Variants in AUTS2 observed in about 807,000 individuals in gnomAD.
AUTS2 encodes the protein activator of transcription and developmental regulator AUTS2, also known as autism susceptibility gene 2 protein.
A neutral mutation model predicts 112.4 loss-of-function variants in AUTS2; 17 were observed. That is an observed-to-expected ratio of 0.15 (90% CI 0.10 to 0.23). The LOEUF (loss-of-function observed/expected upper bound fraction) is 0.23, where lower values mean the gene tolerates loss of function less well. AUTS2 is among the 10% of genes least tolerant of loss of function. AUTS2 has a pLI of 1.00. For missense variants in AUTS2, 1,510 were observed against 1,701.6 expected, an observed-to-expected ratio of 0.89 and a Z score of 1.98; for synonymous variants, 751 against 702.7, an observed-to-expected ratio of 1.07 and a Z score of -1.09.
intron 5 of AUTS2, among the ~76,000 whole-genome samples, chr7:70,514,726 A>G (rs1238841710): frequency 3.9e-5 from 6 of 152,276 alleles, no homozygotes; most frequent in East Asian, 1.9e-4. Context: ...GCTTATTGCC[A>G]GTTGCTCTGC....
intron 4 of AUTS2, among the ~76,000 whole-genome samples, chr7:70,173,723 C>G (rs1808833132): frequency 6.6e-6 from 1 of 152,180 alleles, no homozygotes; most frequent in South Asian, 2.1e-4. Context: ...AATTCTTGCA[C>G]TATTTCAAAC....
chr7:70,741,884 C>A (rs1788135972), intron 6 of AUTS2, among the ~76,000 whole-genome samples: 1 of 152,108 alleles, frequency 6.6e-6, no homozygotes, highest in South Asian at 2.1e-4. Context: ...GTGCTACACT[C>A]GTAGCACACA....
intron 2 of AUTS2, among the ~76,000 whole-genome samples, chr7:69,971,284 A>T (rs1365933748): frequency 6.6e-6 from 1 of 152,206 alleles, no homozygotes; most frequent in Non-Finnish European, 1.5e-5. Context: ...TACTGGTAGT[A>T]TATGACCTTG....
At chr7:69,786,637 T>G (rs958663672) in intron 1 of AUTS2, among the ~76,000 whole-genome samples, 1 of 152,178 alleles carries the variant, frequency 6.6e-6, no homozygotes, top group Non-Finnish European at 1.5e-5. Flanking sequence ...GGCTTCATTC[T>G]TGAAGTCAGC....
chr7:69,963,932 T>G (rs1797529920), intron 2 of AUTS2, among the ~76,000 whole-genome samples: 1 of 152,118 alleles, frequency 6.6e-6, no homozygotes, highest in African/African-American at 2.4e-5. Flanking sequence ...TAAGATGCTT[T>G]AAAAAGAACA....
intron 4 of AUTS2, among the ~76,000 whole-genome samples, chr7:70,282,528 G>A (rs916611540): frequency 7.9e-5 from 12 of 152,016 alleles, no homozygotes; most frequent in African/African-American, 2.9e-4. Context: ...CGAGCTCCTA[G>A]GGCCTTTTTT....
intron 3 of AUTS2, among the ~76,000 whole-genome samples, chr7:70,127,940 C>T (rs1584763212): frequency 6.8e-6 from 1 of 147,706 alleles, no homozygotes; most frequent in Non-Finnish European, 1.5e-5. Flanking sequence ...TTCTCTCCCT[C>T]CCTCCCTCCC....
chr7:70,482,278 C>G (rs1797820679), intron 5 of AUTS2, among the ~76,000 whole-genome samples: 1 of 152,170 alleles, frequency 6.6e-6, no homozygotes. Flanking sequence ...TCCTACTCCC[C>G]ACCTCTGGGG....
At position 69,650,969 on chromosome 7, in the gene AUTS2, A is replaced by G. The variant is rs569432930; in HGVS notation, c.309+51007A>G. 9.9e-5 allele frequency among the ~76,000 whole-genome samples: 15 copies of G among 152,150 alleles called. 1 individual carries two copies. The South Asian group carries it at 2.9e-3, about 30-fold the overall frequency. On this transcript the variant is annotated intron_variant, in intron 1 of 18. Transcript: ENST00000342771. ...CCCGGATCTGCTCTTCCTCATCTTTATATTCCCTGCCCTTAGCTGAGGCTC... is the reference window on the plus strand; with the variant it reads ...CCCGGATCTGCTCTTCCTCATCTTTGTATTCCCTGCCCTTAGCTGAGGCTC...
At chr7:70,495,723 C>A (rs1798440562) in intron 5 of AUTS2, among the ~76,000 whole-genome samples, 1 of 132,992 alleles carries the variant, frequency 7.5e-6, no homozygotes. Flanking sequence ...CCCACACATG[C>A]ACACGTCACA....
intron 4 of AUTS2, among the ~76,000 whole-genome samples, chr7:70,390,465 C>T (rs541721396): frequency 6.6e-6 from 1 of 152,134 alleles, no homozygotes; most frequent in Non-Finnish European, 1.5e-5. Context: ...GGATCTGTGG[C>T]CAAGTCCCTG....
At chr7:69,755,370 C>T (rs1162767690) in intron 1 of AUTS2, among the ~76,000 whole-genome samples, 2 of 152,180 alleles carry the variant, frequency 1.3e-5, no homozygotes, top group Non-Finnish European at 2.9e-5. Context: ...AAACAACAAT[C>T]ATCTCCACCA....
Position 69,844,060 on chromosome 7 carries a change from A to G in AUTS2, c.310-55226A>G, listed in dbSNP as rs1048109357. On this transcript the variant is annotated intron_variant, in intron 1 of 18. Coordinates refer to ENST00000342771, the MANE Select transcript of AUTS2 (RefSeq NM_015570.4). ...CCAGCCAATCCTCGTTACTCTGCTT[A>G]TTCCCCTATTCATCATTTGGCTGAT... 3.9e-5 allele frequency among the ~76,000 whole-genome samples: 6 copies of G among 152,230 alleles called. No homozygotes were observed. In the East Asian group the frequency reaches 9.6e-4, roughly 24 times the overall value.
chr7:70,676,585 G>C (rs1370398928), intron 5 of AUTS2, among the ~76,000 whole-genome samples: 2 of 151,998 alleles, frequency 1.3e-5, no homozygotes, highest in African/African-American at 4.8e-5. Flanking sequence ...ACTTAAATGG[G>C]CACCTTTCTG....
chr7:70,547,680 A>AC (rs1399956486), intron 5 of AUTS2, among the ~76,000 whole-genome samples: 1 of 152,224 alleles, frequency 6.6e-6, no homozygotes, highest in Non-Finnish European at 1.5e-5. Flanking sequence ...GTATGGATAT[A>AC]CCACGTTTTG....
intron 1 of AUTS2, among the ~76,000 whole-genome samples, chr7:69,602,030 ATATATATATATGTGTGTGTGTGTGTG>A (rs1293710640): frequency 2.3e-5 from 2 of 85,900 alleles, no homozygotes; most frequent in African/African-American, 1.0e-4. Context: ...GTATATATAT[ATATATATATATGTGTGTGTGTGTGTG>A]TGTGTGTGTG....
intron 1 of AUTS2, among the ~76,000 whole-genome samples, chr7:69,624,063 G>T (rs929663675): frequency 3.3e-5 from 5 of 152,126 alleles, no homozygotes; most frequent in African/African-American, 1.2e-4. Flanking sequence ...AGTTTGTGTT[G>T]TTTATCTATG....
At chr7:70,606,050 C>G (rs1201424671) in intron 5 of AUTS2, among the ~76,000 whole-genome samples, 2 of 152,198 alleles carry the variant, frequency 1.3e-5, no homozygotes, top group Non-Finnish European at 2.9e-5. Flanking sequence ...AAATTCACTT[C>G]TTGGAGCTGG....
At chr7:70,664,848 T>C (rs568058951) in intron 5 of AUTS2, among the ~76,000 whole-genome samples, 1 of 151,798 alleles carries the variant, frequency 6.6e-6, no homozygotes, top group South Asian at 2.1e-4. Context: ...AGCTGGGAGG[T>C]TTGCTTGAGG....
Sources: gnomAD v4.1 joint callset for allele counts (sites outside exome capture counted in the v4.1 genomes callset) on GRCh38, gnomAD v4.1.1 for gene constraint, MANE v1.5 for transcripts, NCBI Gene and HGNC (gene_info 2026-07-23, HGNC 2026-07-21) for gene names.